GPHN: variants seen among roughly 807,000 people sequenced by gnomAD.
GPHN encodes the protein gephyrin.
A neutral mutation model predicts 95.5 loss-of-function variants in GPHN; 17 were observed. The ratio of observed to expected loss-of-function variants is 0.18; its 90% CI spans 0.12 to 0.27. GPHN has a LOEUF of 0.27. GPHN is among the 10% of genes least tolerant of loss of function. The probability of loss-of-function intolerance (pLI) is 1.00; values close to 1 mark genes in which losing one functional copy is unlikely to be tolerated. For synonymous variants in GPHN, 320 were observed against 322.5 expected, an observed-to-expected ratio of 0.99 and a Z score of 0.08; for missense variants, 660 against 978.1, an observed-to-expected ratio of 0.67 and a Z score of 4.34.
the GPHN span, chr14:67,198,458 A>C: frequency 1.3e-6 from 1 of 788,734 alleles, no homozygotes; most frequent in Non-Finnish European, 2.0e-6. Context: ...CAGTTTGGGA[A>C]CTTTAAAAAA....
chr14:66,746,878 C>T (rs2058172818), intron 2 of GPHN, among the ~76,000 whole-genome samples: 1 of 152,120 alleles, frequency 6.6e-6, no homozygotes, highest in South Asian at 2.1e-4. Context: ...AGAGTTTTGA[C>T]TCCTGCAGTC....
intron 8 of GPHN, among the ~76,000 whole-genome samples, chr14:66,925,391 G>T (rs992397231): frequency 3.3e-5 from 5 of 151,930 alleles, no homozygotes; most frequent in Admixed American, 1.3e-4. Flanking sequence ...ATATTTTGGG[G>T]TACCCATTAA....
chr14:67,722,382 CTAAG>C, the GPHN span: 1 of 568,586 alleles, frequency 1.8e-6, no homozygotes, highest in Non-Finnish European at 3.2e-6. Flanking sequence ...GCCAGTAAAC[CTAAG>C]TAAGCTTCAA....
intron 10 of GPHN, among the ~76,000 whole-genome samples, chr14:67,038,366 T>A (rs2074533063): frequency 6.6e-6 from 1 of 152,090 alleles, no homozygotes; most frequent in African/African-American, 2.4e-5. Flanking sequence ...GTTCTAGCAA[T>A]CAGTTGTACA....
the GPHN span, chr14:67,619,992 C>T: frequency 6.2e-7 from 1 of 1,604,954 alleles, no homozygotes; most frequent in South Asian, 1.1e-5. Flanking sequence ...CCCTAAGGGG[C>T]AGCCTCTCGC....
chr14:67,350,656 G>C, the GPHN span: 1 of 1,613,578 alleles, frequency 6.2e-7, no homozygotes, highest in African/African-American at 1.3e-5. Flanking sequence ...TGAAAAGGCA[G>C]CTTCTCTCAT....
At chr14:67,413,160 C>T in the GPHN span, among the ~76,000 whole-genome samples, 9 of 152,174 alleles carry the variant, frequency 5.9e-5, no homozygotes, top group Admixed American at 6.5e-5. Context: ...ATAGGATCAA[C>T]AACAATGTTC....
At chr14:66,603,102 G>T (rs1415262906) in intron 1 of GPHN, among the ~76,000 whole-genome samples, 3 of 151,712 alleles carry the variant, frequency 2.0e-5, no homozygotes, top group Non-Finnish European at 4.4e-5. Context: ...TTAAACATGG[G>T]ATCATATTTG....
At chr14:66,595,530 T>C (rs1435550481) in intron 1 of GPHN, among the ~76,000 whole-genome samples, 2 of 152,034 alleles carry the variant, frequency 1.3e-5, no homozygotes, top group African/African-American at 4.8e-5. Context: ...GAGGGGTGTG[T>C]GAGTTAGCGT....
At chr14:67,623,289 CTT>C in the GPHN span, among the ~76,000 whole-genome samples, 1 of 152,196 alleles carries the variant, frequency 6.6e-6, no homozygotes, top group Non-Finnish European at 1.5e-5. Flanking sequence ...ACCAAAATAA[CTT>C]GAGTGTTTTG....
chr14:66,767,558 G>C (rs191126782), intron 2 of GPHN, among the ~76,000 whole-genome samples: 2 of 151,928 alleles, frequency 1.3e-5, no homozygotes, highest in Admixed American at 6.6e-5. Context: ...TTCTTAGTAA[G>C]ACAGAGGGCA....
the GPHN span, chr14:67,393,084 C>G: frequency 8.0e-7 from 1 of 1,257,284 alleles, no homozygotes; most frequent in East Asian, 2.3e-5. Context: ...GTCAAGCACA[C>G]AGCTGAGCCC....
chr14:66,720,002 G>A (rs1476826219), intron 2 of GPHN, among the ~76,000 whole-genome samples: 1 of 151,868 alleles, frequency 6.6e-6, no homozygotes, highest in African/African-American at 2.4e-5. Context: ...TTTTTGTAAG[G>A]CAGTAATCTA....
the GPHN span, chr14:67,695,656 A>G: frequency 6.2e-7 from 1 of 1,614,186 alleles, no homozygotes; most frequent in Non-Finnish European, 8.5e-7. Flanking sequence ...CCATATACAG[A>G]AGGAAGGGCA....
the GPHN span, among the ~76,000 whole-genome samples, chr14:67,215,272 C>G: frequency 1.3e-5 from 2 of 152,090 alleles, no homozygotes; most frequent in African/African-American, 2.4e-5. Flanking sequence ...AGCTTTCTTC[C>G]AGGACTAGGA....
chr14:67,444,524 C>T, the GPHN span, among the ~76,000 whole-genome samples: 2 of 152,162 alleles, frequency 1.3e-5, no homozygotes, highest in African/African-American at 2.4e-5. Flanking sequence ...ACTCAGAGCT[C>T]ATAAGACCCT....
chr14:66,560,041 G>A (rs2060164599), intron 1 of GPHN, among the ~76,000 whole-genome samples: 1 of 152,124 alleles, frequency 6.6e-6, no homozygotes, highest in African/African-American at 2.4e-5. Context: ...TCAAAGATCA[G>A]ATAGTTGTAG....
the GPHN span, among the ~76,000 whole-genome samples, chr14:67,606,191 T>C: frequency 2.6e-5 from 4 of 151,968 alleles, no homozygotes; most frequent in Non-Finnish European, 5.9e-5. Flanking sequence ...GGGAAAAAAA[T>C]AGAAGAAATG....
chr14:67,477,911 C>G, the GPHN span, among the ~76,000 whole-genome samples: 2 of 152,206 alleles, frequency 1.3e-5, no homozygotes, highest in African/African-American at 4.8e-5. Context: ...TCTGCCACAT[C>G]CCCACCCTAA....
Sources: allele counts gnomAD v4.1 joint callset (sites outside exome capture counted in the v4.1 genomes callset), GRCh38; gene constraint gnomAD v4.1.1; transcripts MANE v1.5; gene names NCBI Gene and HGNC (gene_info 2026-07-23, HGNC 2026-07-21).